Variants in CDC42SE2 observed in about 807,000 individuals in gnomAD.
CDC42SE2 encodes the protein CDC42 small effector protein 2.
CDC42SE2 carries 3 observed loss-of-function variants against 11.5 expected under a neutral mutation model. That is an observed-to-expected ratio of 0.26 (90% confidence interval 0.12 to 0.67). The LOEUF (loss-of-function observed/expected upper bound fraction) is 0.67, where lower values mean the gene tolerates loss of function less well. Ranked by LOEUF, CDC42SE2 falls within the 30% of genes least tolerant of loss-of-function variation. The probability of loss-of-function intolerance (pLI) is 0.80; values close to 1 mark genes in which losing one functional copy is unlikely to be tolerated. For missense variants in CDC42SE2, 82 were observed against 106.8 expected, an observed-to-expected ratio of 0.77 and a Z score of 1.02; for synonymous variants, 33 against 34.8, an observed-to-expected ratio of 0.95 and a Z score of 0.18.
At chr5:131,277,039 G>A (rs968970416) in intron 1 of CDC42SE2, among the ~76,000 whole-genome samples, 6 of 152,006 alleles carry the variant, frequency 3.9e-5, no homozygotes, top group African/African-American at 1.5e-4. Flanking sequence ...CGCACTTGGC[G>A]ACCATTATAA....
At chr5:131,301,042 C>G (rs1757668454) in intron 1 of CDC42SE2, among the ~76,000 whole-genome samples, 1 of 152,176 alleles carries the variant, frequency 6.6e-6, no homozygotes, top group Non-Finnish European at 1.5e-5. Flanking sequence ...AACCTCCCAA[C>G]AATTCTCTGT....
intron 1 of CDC42SE2, among the ~76,000 whole-genome samples, chr5:131,249,403 G>A (rs1462069022): frequency 6.6e-6 from 1 of 152,170 alleles, no homozygotes; most frequent in East Asian, 1.9e-4. Flanking sequence ...TAATAAGATG[G>A]TGTGGGATTG....
At chr5:131,292,570 A>C (rs1346210666) in intron 1 of CDC42SE2, among the ~76,000 whole-genome samples, 1 of 149,910 alleles carries the variant, frequency 6.7e-6, no homozygotes, top group African/African-American at 2.5e-5. Context: ...AAAAAAAAAA[A>C]AAAAACAAAA....
upstream of CDC42SE2, among the ~76,000 whole-genome samples, chr5:131,261,096 T>A (rs1561563191): frequency 6.6e-6 from 1 of 152,262 alleles, no homozygotes; most frequent in Non-Finnish European, 1.5e-5. Flanking sequence ...GAACAACATG[T>A]TCCTTCCTGT....
At chr5:131,333,996 C>A (rs938656317) in intron 2 of CDC42SE2, among the ~76,000 whole-genome samples, 2 of 152,160 alleles carry the variant, frequency 1.3e-5, no homozygotes, top group Admixed American at 1.3e-4. Context: ...ACTTCCAACA[C>A]TATGTTGAAT....
chr5:131,345,440 G>T (rs1390121150), intron 2 of CDC42SE2, among the ~76,000 whole-genome samples: 1 of 152,050 alleles, frequency 6.6e-6, no homozygotes, highest in Non-Finnish European at 1.5e-5. Flanking sequence ...GAAGTGAGAA[G>T]TTTAGAGAAA....
chr5:131,265,020 T>G (rs766353930), intron 1 of CDC42SE2, among the ~76,000 whole-genome samples: 10 of 152,214 alleles, frequency 6.6e-5, no homozygotes, highest in Non-Finnish European at 1.5e-4. Flanking sequence ...GTTGAATGAA[T>G]GAATCTTGAA....
intron 1 of CDC42SE2, among the ~76,000 whole-genome samples, chr5:131,280,805 G>A (rs1171342127): frequency 6.6e-6 from 1 of 152,090 alleles, no homozygotes; most frequent in African/African-American, 2.4e-5. Flanking sequence ...AGAAAACTGT[G>A]TTTTATTGAA....
chr5:131,377,476 TTAA>T (rs1433919913), intron 3 of CDC42SE2, among the ~76,000 whole-genome samples: 1 of 152,078 alleles, frequency 6.6e-6, no homozygotes, highest in Non-Finnish European at 1.5e-5. Context: ...GCCTGACTTT[TTAA>T]TAATAGTCAT....
Position 131,391,377 on chromosome 5 carries a change from T to C in CDC42SE2, c.*286T>C, listed in dbSNP as rs1215677630. Reference sequence around the variant, plus strand: ...CCTTTAAACAAGAGTGAAATCATTATTTTGAGTATTGAGGCCGAGCATGGT... The same window carrying C: ...CCTTTAAACAAGAGTGAAATCATTACTTTGAGTATTGAGGCCGAGCATGGT... On this transcript the variant is annotated 3_prime_UTR_variant, in exon 5 of 5. Coordinates refer to ENST00000505065, the MANE Select transcript of CDC42SE2 (RefSeq NM_001375635.1). The C allele has an allele frequency of 2.5e-5, 4 of 159,280 alleles. No individual in the cohort carries two copies. The highest frequency in any genetic ancestry group is 9.6e-5 in the African/African-American group (4 of 41,718). The allele number at this position is 159,280 out of a possible 1,614,324, so 9.9% of individuals were successfully genotyped here.
rs183347999 is a variant in CDC42SE2, at chr5:131,266,518, G to A, written c.-455+2352G>A. 5.9e-4 allele frequency among the ~76,000 whole-genome samples: 89 copies of A among 150,200 alleles called. No individual in the cohort carries two copies. In the East Asian group the frequency reaches 8.4e-3, roughly 14 times the overall value. ...TCTGTCACCCAGGCTAGAGTGCAGC[G>A]GTGTGATCTCGGCTTACTGCAACCT... On this transcript the variant is annotated intron_variant, in intron 1 of 4. Transcript: ENST00000505065.
At chr5:131,273,784 G>GT (rs796965196) in intron 1 of CDC42SE2, among the ~76,000 whole-genome samples, 9 of 145,878 alleles carry the variant, frequency 6.2e-5, no homozygotes, top group South Asian at 2.2e-4. Flanking sequence ...AAAAAAAAAA[G>GT]TTTTTTTTTC....
At chr5:131,387,750 C>T (rs1351762062) in intron 4 of CDC42SE2, among the ~76,000 whole-genome samples, 8 of 152,114 alleles carry the variant, frequency 5.3e-5, no homozygotes, top group Non-Finnish European at 1.5e-5. Context: ...GCCTCTTAAT[C>T]TTAGATGCAG....
the CDC42SE2 span, among the ~76,000 whole-genome samples, chr5:131,229,933 C>CA: frequency 6.6e-6 from 1 of 151,466 alleles, no homozygotes; most frequent in Non-Finnish European, 1.5e-5. Context: ...GACCTTGTCT[C>CA]AAAAAAAGAA....
At chr5:131,271,160 G>T (rs1756987498) in intron 1 of CDC42SE2, among the ~76,000 whole-genome samples, 1 of 152,094 alleles carries the variant, frequency 6.6e-6, no homozygotes, top group Non-Finnish European at 1.5e-5. Flanking sequence ...TATCTTGCAG[G>T]TTCACTTTGC....
intron 1 of CDC42SE2, among the ~76,000 whole-genome samples, chr5:131,249,273 C>G (rs868415021): frequency 6.6e-6 from 1 of 151,592 alleles, no homozygotes; most frequent in South Asian, 2.1e-4. Context: ...CCACCTCAGC[C>G]TTCCAAAGCT....
chr5:131,322,150 GA>G (rs1295602770), intron 2 of CDC42SE2, among the ~76,000 whole-genome samples: 20 of 151,916 alleles, frequency 1.3e-4, no homozygotes, highest in Admixed American at 7.2e-4. Flanking sequence ...ACGCCTGGCA[GA>G]AAAAAATTTT....
At chr5:131,313,848 G>A (rs904528801) in intron 1 of CDC42SE2, among the ~76,000 whole-genome samples, 2 of 151,644 alleles carry the variant, frequency 1.3e-5, no homozygotes, top group Non-Finnish European at 2.9e-5. Context: ...TTTATTTTGA[G>A]GCAGAGTCTC....
chr5:131,387,263 A>G (rs1293040480), intron 4 of CDC42SE2, among the ~76,000 whole-genome samples: 11 of 152,184 alleles, frequency 7.2e-5, no homozygotes, highest in African/African-American at 2.7e-4. Context: ...AAATCCAACT[A>G]TAAGGCCAGG....
Sources: allele counts gnomAD v4.1 joint callset (sites outside exome capture counted in the v4.1 genomes callset), GRCh38; gene constraint gnomAD v4.1.1; transcripts MANE v1.5; gene names NCBI Gene and HGNC (gene_info 2026-07-23, HGNC 2026-07-21).